FKBP10: variants seen among roughly 807,000 people sequenced by gnomAD.
FKBP10 encodes the protein peptidyl-prolyl cis-trans isomerase FKBP10.
A neutral mutation model predicts 53.7 loss-of-function variants in FKBP10; 34 were observed. The ratio of observed to expected loss-of-function variants is 0.63; its 90% CI spans 0.48 to 0.84. The LOEUF (loss-of-function observed/expected upper bound fraction) is 0.84, where lower values mean the gene tolerates loss of function less well. Among genes scored for constraint, FKBP10 ranks in the 40% least tolerant of loss-of-function variants. FKBP10 has a pLI of 0.00. For missense variants in FKBP10, 748 were observed against 797.8 expected (o/e 0.94, Z 0.75); for synonymous variants, 324 against 335.7 (o/e 0.97, Z 0.38).
chr17:41,820,331 C>T lies in FKBP10; in HGVS notation c.1126C>T (p.Pro376Ser), dbSNP rs374193610. 6.2e-7 allele frequency: 1 copy of T among 1,614,200 alleles called. No individual in the cohort carries two copies. Among genetic ancestry groups the T allele is most frequent in the African/African-American group, 1.3e-5 (1 of 75,040 alleles). Residue 376 changes from proline (P) to serine (S), a missense_variant, in exon 7 of 10, where the codon CCT becomes TCT. Pro to Ser is a moderately conservative substitution (Grantham distance 74). Transcript: ENST00000321562. ...CGTCCATGTCATTGACTTCCACAAC[C>T]CTGCGGATGTGGTGGAAATCAGGAC... ...FNVHVIDFHNPADVVEIRTLS... is the reference protein window; with the variant it reads ...FNVHVIDFHNSADVVEIRTLS...
chr17:41,821,531 C>A, intron 8 of FKBP10, 123 bp from the exon 9 acceptor site: 1 of 1,228,916 alleles, frequency 8.1e-7, no homozygotes, highest in Non-Finnish European at 1.1e-6. Context: ...TTAAACATCC[C>A]ATGCCCCACT....
Position 41,818,452 on chromosome 17 carries a change from C to G in FKBP10, c.652C>G (p.Leu218Val). ...GWLIKGMDQG[L>V]LGMCPGERRK... is the part of the protein sequence containing the mutation. Reference sequence around the variant, plus strand: ...GCTGATCAAGGGCATGGACCAGGGGCTGCTGGGCATGTGTCCTGGAGAGAG... The same window carrying G: ...GCTGATCAAGGGCATGGACCAGGGGGTGCTGGGCATGTGTCCTGGAGAGAG... The change falls in exon 4 of 10, where the codon CTG becomes GTG. Residue 218 changes from leucine to valine, a missense_variant. Coordinates refer to ENST00000321562, the MANE Select transcript of FKBP10 (RefSeq NM_021939.4). 6.2e-7 allele frequency: 1 copy of G among 1,614,180 alleles called. No homozygotes were observed. Among genetic ancestry groups the G allele is most frequent in the Non-Finnish European group, 8.5e-7 (1 of 1,180,034 alleles).
In FKBP10 at chr17:41,820,037, A is replaced by T. The variant is rs2047870466; in HGVS notation, c.1064-232A>T. ...CTGATCCGCAGGGTAAGTTACTGGG[A>T]GTTTGCAAGACGGTGAGTGGAAAAG... is the stretch of plus-strand genomic sequence containing the variant. On this transcript the variant is annotated intron_variant, in intron 6 of 9. Transcript: ENST00000321562. 2.1e-6 allele frequency: 3 copies of T among 1,451,168 alleles called. No homozygotes were observed. The East Asian group carries it at 7.6e-5, about 37-fold the overall frequency. 89.9% of individuals were successfully genotyped at this position (1,451,168 alleles called of 1,614,324 possible).
intron 6 of FKBP10, 131 bp from the exon 7 acceptor site, chr17:41,820,138 C>A: frequency 2.4e-6 from 3 of 1,251,526 alleles, no homozygotes; most frequent in Non-Finnish European, 3.4e-6. Context: ...TCTGGACAAA[C>A]ATCCCGTCCC....
chr17:41,819,909 T>A (rs782119516), intron 6 of FKBP10: 3 of 1,541,314 alleles, frequency 1.9e-6, no homozygotes, highest in Non-Finnish European at 2.6e-6. Context: ...GCAGCCAAGT[T>A]TGGGGAGGGA....
chr17:41,819,822 T>A (rs1459155113), intron 6 of FKBP10, 147 bp downstream of exon 6: 2 of 1,537,858 alleles, frequency 1.3e-6, no homozygotes, highest in African/African-American at 2.7e-5. Context: ...GGTCACCCCA[T>A]CTGATTCCTG....
Position 41,822,849 on chromosome 17 carries a change from C to A in FKBP10, c.*441C>A. On this transcript the variant is annotated 3_prime_UTR_variant, in exon 10 of 10. Transcript: ENST00000321562. ...CAGCTCCCTAGGACCCCTCTGCCTTCCTCCCCAATCCTGACTGGCTCCTAG... is the reference window on the plus strand; with the variant it reads ...CAGCTCCCTAGGACCCCTCTGCCTTACTCCCCAATCCTGACTGGCTCCTAG... The A allele has an allele frequency of 3.5e-6, 1 of 287,222 alleles. No individual in the cohort carries two copies. The highest frequency in any genetic ancestry group is 3.6e-5 in the South Asian group (1 of 27,890). The allele number at this position is 287,222 out of a possible 1,614,324, so 17.8% of individuals were successfully genotyped here. A position where few individuals can be genotyped will look rare whatever the true frequency, so the allele number is the denominator to read the frequency against.
In FKBP10 at chr17:41,819,234, C is replaced by T; in HGVS notation, c.752C>T (p.Ser251Leu). 2.5e-6 allele frequency: 4 copies of T among 1,614,162 alleles called. No homozygotes were observed. Among genetic ancestry groups the T allele is most frequent in the South Asian group, 2.2e-5 (2 of 91,088 alleles). ...GGGACAGTGATCCCCCCACAGGCCTCGCTGGTCTTTCACGTCCTCCTGATT... is the reference window on the plus strand; with the variant it reads ...GGGACAGTGATCCCCCCACAGGCCTTGCTGGTCTTTCACGTCCTCCTGATT... ...GYGTVIPPQA[S>L]LVFHVLLIDV... is the part of the protein sequence containing the mutation. Residue 251 changes from serine (S) to leucine (L), a missense_variant, in exon 5 of 10, where the codon TCG (serine) becomes TTG (leucine). Coordinates refer to ENST00000321562, the MANE Select transcript of FKBP10 (RefSeq NM_021939.4).
Position 41,821,610 on chromosome 17 carries a change from C to T in FKBP10, c.1400-44C>T, listed in dbSNP as rs8072866. ...AAACAGTGAAGCCAGGCCCAGACCC[C>T]GGCCTGACTAGGACCCCTCCCTTCT... On this transcript the variant is annotated intron_variant, in intron 8 of 9. Coordinates refer to ENST00000321562, the MANE Select transcript of FKBP10 (RefSeq NM_021939.4). 0.91 allele frequency: 1,462,921 copies of T among 1,610,508 alleles called. 664,963 individuals are homozygous for T. The highest frequency in any genetic ancestry group is 1 in the East Asian group (44,803 of 44,808).
Position 41,814,778 on chromosome 17 carries a change from G to T in FKBP10, c.245+1499G>T, listed in dbSNP as rs538952990. Among the ~76,000 whole-genome samples, 13 of 152,264 alleles carry T rather than the reference G, an allele frequency of 8.5e-5. 1 individual carries two copies. In the East Asian group the frequency reaches 2.5e-3, roughly 29 times the overall value. ...TTTTTAGCTGGAGGCTCACTCTGTC[G>T]CCCAGGCTGGAGTGCAGTGGTGCCA... On this transcript the variant is annotated intron_variant, in intron 1 of 9. Coordinates refer to ENST00000321562, the MANE Select transcript of FKBP10 (RefSeq NM_021939.4).
chr17:41,822,115 G>C, intron 9 of FKBP10, 108 bp from the exon 10 acceptor site: 10 of 1,167,624 alleles, frequency 8.6e-6, no homozygotes, highest in Non-Finnish European at 1.2e-5. Flanking sequence ...GGGGGAGCCT[G>C]GGAAAAAAGA....
rs1555617178 is a variant in FKBP10 at position 41,821,778 on chromosome 17, C to T, written c.1524C>T (p.Asp508=). ...HKDPPANLFE[D]MDLNKDGEVP... The stretch of plus-strand genomic sequence containing the variant: ...ACCCTCCTGCCAACCTGTTTGAAGA[C>T]ATGGACCTCAACAAGGATGGCGAGG... The change falls in exon 9 of 10, where the codon GAC becomes GAT. Residue 508 remains aspartate (D), a synonymous_variant. Coordinates refer to ENST00000321562, the MANE Select transcript of FKBP10 (RefSeq NM_021939.4). 1.9e-6 allele frequency: 3 copies of T among 1,614,198 alleles called. No homozygotes were observed. Among genetic ancestry groups the T allele is most frequent in the Admixed American group, 3.3e-5 (2 of 60,018 alleles).
intron 7 of FKBP10, 36 bp downstream of exon 7, chr17:41,820,497 G>A (rs1555616883): frequency 6.2e-7 from 1 of 1,608,238 alleles, no homozygotes; most frequent in South Asian, 1.1e-5. Flanking sequence ...GGGCAGGTGG[G>A]TGGGCACAGG....
At chr17:41,818,850 A>T in intron 4 of FKBP10, 1 of 411,278 alleles carries the variant, frequency 2.4e-6, no homozygotes, top group Non-Finnish European at 4.5e-6. Context: ...AGCTACTCGG[A>T]GAGGCTGAGG....
rs2047767770 is a variant in FKBP10 at position 41,813,068 on chromosome 17, C to T, written c.34C>T (p.Leu12Phe). Residue 12 changes from leucine (L) to phenylalanine (F), a missense_variant, in exon 1 of 10, where the codon CTC becomes TTC. Transcript: ENST00000321562. ...FPAGPPSHSL[L>F]RLPLLQLLLL... The stretch of plus-strand genomic sequence containing the variant: ...CGCGGGCCCCCCCAGCCACAGCCTC[C>T]TCCGGCTCCCCCTGCTGCAGTTGCT... 1 of 1,610,528 alleles carries T rather than the reference C, an allele frequency of 6.2e-7. No individual in the cohort carries two copies. The highest frequency in any genetic ancestry group is 8.5e-7 in the Non-Finnish European group (1 of 1,179,702).
Position 41,822,370 on chromosome 17 carries a change from T to C in FKBP10, c.1711T>C (p.Ser571Pro), listed in dbSNP as rs781796732. 6.2e-7 allele frequency: 1 copy of C among 1,612,210 alleles called. No homozygotes were observed. Reference protein sequence around the residue: ...KITVDELKLKSDEDEERVHEE... With the variant: ...KITVDELKLKPDEDEERVHEE... Reference sequence around the variant, plus strand: ...CACAGTCGACGAGCTCAAGCTGAAGTCAGATGAGGACGAGGAGCGGGTCCA... The same window carrying C: ...CACAGTCGACGAGCTCAAGCTGAAGCCAGATGAGGACGAGGAGCGGGTCCA... Residue 571 changes from serine to proline, a missense_variant, in exon 10 of 10, where the codon TCA becomes CCA. Physicochemically the swap from Ser to Pro is moderately conservative, Grantham distance 74. Coordinates refer to ENST00000321562, the MANE Select transcript of FKBP10 (RefSeq NM_021939.4).
intron 8 of FKBP10, 113 bp from the exon 9 acceptor site, chr17:41,821,541 T>C: frequency 7.4e-7 from 1 of 1,343,144 alleles, no homozygotes; most frequent in Non-Finnish European, 1.0e-6. Context: ...CATGCCCCAC[T>C]CTCCAGCCCA....
rs367689167 is a variant in FKBP10 at position 41,818,099 on chromosome 17, T to G, written c.402T>G (p.Ile134Met). 5.0e-6 allele frequency: 8 copies of G among 1,610,402 alleles called. No homozygotes were observed. The highest frequency in any genetic ancestry group is 2.7e-5 in the African/African-American group (2 of 74,826). ...GCTGCGCTCTCACAGCGGGGCTCATTCCACCGGATGCCACCCTCTACTTCG... is the reference window on the plus strand; with the variant it reads ...GCTGCGCTCTCACAGCGGGGCTCATGCCACCGGATGCCACCCTCTACTTCG... Reference protein sequence around the residue: ...GYGSIGLAGLIPPDATLYFDV... With the variant: ...GYGSIGLAGLMPPDATLYFDV... Residue 134 changes from isoleucine to methionine, a missense_variant, in exon 3 of 10, where the codon ATT becomes ATG. Transcript: ENST00000321562.
rs1555616697 is a variant in FKBP10 at position 41,819,679 on chromosome 17, G to A, written c.1063+4G>A. On this transcript the variant is annotated splice_donor_region_variant and intron_variant, in intron 6 of 9. Coordinates refer to ENST00000321562, the MANE Select transcript of FKBP10 (RefSeq NM_021939.4). ...GCCTATGGGGAGAATGGAACTGGTA[G>A]GGGCGTTCCCCAGCCACCACCTCAG... 3.1e-6 allele frequency: 5 copies of A among 1,596,152 alleles called. No homozygotes were observed. The highest frequency in any genetic ancestry group is 4.5e-5 in the East Asian group (2 of 44,148).
Sources: gnomAD v4.1 joint callset for allele counts (sites outside exome capture counted in the v4.1 genomes callset) on GRCh38, gnomAD v4.1.1 for gene constraint, MANE v1.5 for transcripts, NCBI Gene and HGNC (gene_info 2026-07-23, HGNC 2026-07-21) for gene names.